Variants in CRISP2 observed in about 807,000 individuals in gnomAD.
CRISP2 encodes cysteine rich secretory protein 2.
CRISP2 carries 29 observed loss-of-function variants against 31.7 expected under a neutral mutation model. That is an observed-to-expected ratio of 0.92 (90% CI 0.68 to 1.25). The LOEUF (loss-of-function observed/expected upper bound fraction) is 1.25. CRISP2 is among the 50% of genes most tolerant of loss of function. The pLI is 0.00. For synonymous variants in CRISP2, 111 were observed against 101.4 expected (o/e 1.09, Z -0.57); for missense variants, 318 against 286.5 (o/e 1.11, Z -0.79).
At chr6:49,684,649 T>C in the CRISP2 span, among the ~76,000 whole-genome samples, 3 of 152,202 alleles carry the variant, frequency 2.0e-5, no homozygotes, top group South Asian at 6.2e-4. Context: ...AAAAGAAATC[T>C]ACTTAATTTG....
At position 49,692,387 on chromosome 6, in the gene CRISP2, T is replaced by C. The variant is rs1764100230; in HGVS notation, c.*386A>G. On this transcript the variant is annotated 3_prime_UTR_variant, in exon 10 of 10. Transcript: ENST00000339139. ...GATGTAAAGCTTTGAATTTATTGTTTATGCAAGTAAAAACTCAGGTAGTAG... is the reference window on the plus strand; with the variant it reads ...GATGTAAAGCTTTGAATTTATTGTTCATGCAAGTAAAAACTCAGGTAGTAG... 1 of 156,134 alleles carries C rather than the reference T, an allele frequency of 6.4e-6. No homozygotes were observed. Among genetic ancestry groups the C allele is most frequent in the Non-Finnish European group, 1.4e-5 (1 of 70,788 alleles). 9.7% of individuals were successfully genotyped at this position (156,134 alleles called of 1,614,324 possible). A position where few individuals can be genotyped will look rare whatever the true frequency, so the allele number is the denominator to read the frequency against.
chr6:49,712,249 A>G (rs954677011), intron 2 of CRISP2, among the ~76,000 whole-genome samples: 1 of 152,158 alleles, frequency 6.6e-6, no homozygotes, highest in Non-Finnish European at 1.5e-5. Context: ...CAGTGTATGC[A>G]TCTGATGAGC....
chr6:49,697,655 T>A (rs1764995164), intron 8 of CRISP2: 1 of 1,392,042 alleles, frequency 7.2e-7, no homozygotes, highest in Non-Finnish European at 9.7e-7. Flanking sequence ...TAATGAGGAA[T>A]GAGAGCTTCA....
At chr6:49,688,852 A>T (rs941865360), downstream of CRISP2, among the ~76,000 whole-genome samples, 1 of 151,818 alleles carries the variant, frequency 6.6e-6, no homozygotes, top group Admixed American at 6.6e-5. Context: ...CTAGATTATG[A>T]TTTTCTCTTT....
At chr6:49,686,919 T>A in the CRISP2 span, among the ~76,000 whole-genome samples, 1,314 of 152,216 alleles carry the variant, frequency 8.6e-3, 6 homozygotes, top group Non-Finnish European at 0.015. Flanking sequence ...TGGATGAAGC[T>A]GGAAACCATC....
the CRISP2 span, among the ~76,000 whole-genome samples, chr6:49,686,595 A>G: frequency 6.6e-6 from 1 of 152,204 alleles, no homozygotes; most frequent in Non-Finnish European, 1.5e-5. Context: ...ACACTTTTAC[A>G]CTGTTGGTGG....
Position 49,692,798 on chromosome 6 carries a change from C to A in CRISP2, c.707G>T (p.Cys236Phe), listed in dbSNP as rs1390252325. The A allele has an allele frequency of 6.2e-7, 1 of 1,613,604 alleles. No homozygotes were observed. The highest frequency in any genetic ancestry group is 2.2e-5 in the East Asian group (1 of 44,854). Residue 236 changes from cysteine (C) to phenylalanine (F), a missense_variant, in exon 10 of 10, where the codon TGC becomes TTC. Physicochemically the swap from Cys to Phe is radical, Grantham distance 205 (BLOSUM62 -2). Coordinates refer to ENST00000339139, the MANE Select transcript of CRISP2 (RefSeq NM_003296.4). The stretch of plus-strand genomic sequence containing the variant: ...TCAGTAAATTTTGTTCTCACATAGG[C>A]AAGTAGCCTTGCACTTTTCCTTGAG... Reference protein sequence around the residue: ...ELLKEKCKATCLCENKIY With the variant: ...ELLKEKCKATFLCENKIY
chr6:49,684,467 G>C, the CRISP2 span, among the ~76,000 whole-genome samples: 1 of 152,116 alleles, frequency 6.6e-6, no homozygotes, highest in African/African-American at 2.4e-5. Context: ...CATGGACGTA[G>C]AACTCACAGA....
intron 9 of CRISP2, among the ~76,000 whole-genome samples, chr6:49,695,078 A>T (rs1764527191): frequency 6.6e-6 from 1 of 152,206 alleles, no homozygotes; most frequent in Non-Finnish European, 1.5e-5. Context: ...TGCATTGAAG[A>T]GGTAAAAATT....
At chr6:49,709,562 T>C (rs1767646925) in intron 3 of CRISP2, among the ~76,000 whole-genome samples, 1 of 152,222 alleles carries the variant, frequency 6.6e-6, no homozygotes. Flanking sequence ...TCATTCTTCA[T>C]CTCAATTTTT....
At chr6:49,677,303 G>C in the CRISP2 span, among the ~76,000 whole-genome samples, 1 of 152,048 alleles carries the variant, frequency 6.6e-6, no homozygotes, top group Non-Finnish European at 1.5e-5. Context: ...CATGCCCCAA[G>C]CATTTAGGAT....
chr6:49,694,434 CACCAATCTGGAT>C (rs1182325462), intron 9 of CRISP2, among the ~76,000 whole-genome samples: 1 of 152,144 alleles, frequency 6.6e-6, no homozygotes, highest in African/African-American at 2.4e-5. Context: ...TCTAGAGGCC[CACCAATCTGGAT>C]ACCAATCTGC....
chr6:49,709,448 C>T (rs188429691), intron 3 of CRISP2, among the ~76,000 whole-genome samples: 1 of 152,272 alleles, frequency 6.6e-6, no homozygotes, highest in African/African-American at 2.4e-5. Context: ...TGAGGTACAT[C>T]TATAAAAGAG....
chr6:49,686,405 T>A, the CRISP2 span, among the ~76,000 whole-genome samples: 2 of 152,164 alleles, frequency 1.3e-5, no homozygotes, highest in Non-Finnish European at 1.5e-5. Context: ...AAAGGACTGG[T>A]AGAGTAAAGG....
chr6:49,695,849 G>A lies in CRISP2; in HGVS notation c.591C>T (p.Asp197=), dbSNP rs1764646055. 3 of 1,611,376 alleles carry A rather than the reference G, an allele frequency of 1.9e-6. No individual in the cohort carries two copies. In the South Asian group the frequency reaches 3.3e-5, roughly 18 times the overall value. Residue 197 remains aspartate (D), a synonymous_variant, in exon 9 of 10, where the codon GAC becomes GAT. Transcript: ENST00000339139. ...CTTCAAACTTACTGCATAGTCCTTT[G>A]TCACAGTCATCAGGGCAACCGGCAC... ...TPCAGCPDDC[D]KGLCTNSCQY...
the CRISP2 span, among the ~76,000 whole-genome samples, chr6:49,678,990 C>T: frequency 6.6e-6 from 1 of 152,302 alleles, no homozygotes; most frequent in Non-Finnish European, 1.5e-5. Flanking sequence ...TATCACTATA[C>T]TTCAGACACC....
the CRISP2 span, among the ~76,000 whole-genome samples, chr6:49,687,180 T>C: frequency 6.6e-6 from 1 of 152,184 alleles, no homozygotes; most frequent in Admixed American, 6.5e-5. Flanking sequence ...TGTGCACATG[T>C]GCCTAAAAAA....
intron 4 of CRISP2, 126 bp downstream of exon 4, chr6:49,709,005 T>G: frequency 1.3e-6 from 1 of 764,780 alleles, no homozygotes; most frequent in South Asian, 1.6e-5. Context: ...TTAAGTGCTC[T>G]GAGAACTCTG....
At chr6:49,688,977 T>G (rs1046925888), downstream of CRISP2, among the ~76,000 whole-genome samples, 7 of 152,102 alleles carry the variant, frequency 4.6e-5, no homozygotes, top group African/African-American at 1.7e-4. Context: ...CAAGCGATTC[T>G]CCTGCCTCAG....
Sources: allele counts gnomAD v4.1 joint callset (sites outside exome capture counted in the v4.1 genomes callset), GRCh38; gene constraint gnomAD v4.1.1; transcripts MANE v1.5; gene names NCBI Gene and HGNC (gene_info 2026-07-23, HGNC 2026-07-21).